Variants in JHY observed in about 807,000 individuals in gnomAD.
JHY encodes jhy protein homolog.
Under a neutral mutation model 78.0 loss-of-function variants are expected in JHY, and 69 were observed. That is an observed-to-expected ratio of 0.88 (90% CI 0.73 to 1.08). JHY has a LOEUF of 1.08. JHY is among the 50% of genes least tolerant of loss of function. The pLI is 0.00. For missense variants in JHY, 944 were observed against 927.8 expected (o/e 1.02, Z -0.23); for synonymous variants, 368 against 342.6 (o/e 1.07, Z -0.82).
chr11:122,950,925 A>G (rs1446655998), intron 6 of JHY, among the ~76,000 whole-genome samples: 1 of 152,208 alleles, frequency 6.6e-6, no homozygotes, highest in Non-Finnish European at 1.5e-5. Context: ...TACAATCTGT[A>G]TATCCATTTT....
chr11:122,908,338 A>G (rs1484301664), intron 3 of JHY, among the ~76,000 whole-genome samples: 1 of 152,220 alleles, frequency 6.6e-6, no homozygotes, highest in Non-Finnish European at 1.5e-5. Context: ...TGCTGCTGCC[A>G]TCAGGCCTAC....
At chr11:122,955,603 G>A (rs10502264) in intron 6 of JHY, among the ~76,000 whole-genome samples, 5,264 of 152,160 alleles carry the variant, frequency 0.035, 204 homozygotes, top group African/African-American at 0.091. Flanking sequence ...ATACTAATAA[G>A]AGTTGTCATA....
At chr11:122,890,503 A>T (rs1054382757) in intron 2 of JHY, among the ~76,000 whole-genome samples, 27 of 152,152 alleles carry the variant, frequency 1.8e-4, no homozygotes, top group Non-Finnish European at 2.9e-5. Context: ...TGGAAAGGAA[A>T]CATCTGTTGC....
chr11:122,902,223 G>A lies in JHY; in HGVS notation c.345-1702G>A, dbSNP rs1708076559. On this transcript the variant is annotated intron_variant, in intron 2 of 8. Coordinates refer to ENST00000227349, the MANE Select transcript of JHY (RefSeq NM_024806.4). ...TGTAATCCCGAAACTTTGGGAGGCT[G>A]AAGCGAGTGGATCACAGGAGGCCAG... 3.3e-5 allele frequency among the ~76,000 whole-genome samples: 5 copies of A among 152,006 alleles called. 1 individual carries two copies. In the South Asian group the frequency reaches 1.0e-3, roughly 32 times the overall value.
chr11:122,955,716 T>C (rs1397643699), intron 6 of JHY, among the ~76,000 whole-genome samples: 1 of 152,234 alleles, frequency 6.6e-6, no homozygotes, highest in African/African-American at 2.4e-5. Flanking sequence ...ACTTTTCTCT[T>C]GAATATTATA....
intron 2 of JHY, among the ~76,000 whole-genome samples, chr11:122,893,448 C>T (rs563318778): frequency 2.7e-4 from 41 of 152,104 alleles, no homozygotes; most frequent in Admixed American, 1.1e-3. Context: ...TTGTTGCCCC[C>T]GGAGACAACC....
At chr11:122,952,788 T>C (rs1029804960) in intron 6 of JHY, among the ~76,000 whole-genome samples, 2 of 152,224 alleles carry the variant, frequency 1.3e-5, no homozygotes, top group African/African-American at 4.8e-5. Flanking sequence ...TTTGGACAAA[T>C]TGGATTTATG....
rs76514548 is a variant in JHY at position 122,935,197 on chromosome 11, C to T, written c.1634+122C>T. ...GTGGCTAGGTGAGAAGAAGAGTTCACCTAACAACTTCCTTAGCTCTGATTC... is the reference window on the plus strand; with the variant it reads ...GTGGCTAGGTGAGAAGAAGAGTTCATCTAACAACTTCCTTAGCTCTGATTC... On this transcript the variant is annotated intron_variant, in intron 5 of 8. Transcript: ENST00000227349. This position sits in a 1 kb window ranked among gnomAD's most constrained non-coding sequence, Gnocchi z 4.5. 2.3e-6 allele frequency: 2 copies of T among 858,956 alleles called. No homozygotes were observed. The highest frequency in any genetic ancestry group is 2.3e-5 in the South Asian group (1 of 44,298). 53.2% of individuals were successfully genotyped at this position (858,956 alleles called of 1,614,324 possible).
Position 122,892,470 on chromosome 11 carries a change from G to A in JHY, c.344+6277G>A, listed in dbSNP as rs377113120. Among the ~76,000 whole-genome samples, 238 of 151,982 alleles carry A rather than the reference G, an allele frequency of 1.6e-3. 2 individuals are homozygous for A. The highest frequency in any genetic ancestry group is 5.4e-3 in the African/African-American group (222 of 41,456). On this transcript the variant is annotated intron_variant, in intron 2 of 8. Coordinates refer to ENST00000227349, the MANE Select transcript of JHY (RefSeq NM_024806.4). ...CCTGAGTAACTGGGACTACAGGCGC[G>A]TGCCACCATGCCTGGCTAATTTTTT...
chr11:122,937,564 C>A (rs1863784729), intron 5 of JHY, among the ~76,000 whole-genome samples: 2 of 152,124 alleles, frequency 1.3e-5, no homozygotes, highest in Admixed American at 1.3e-4. Context: ...CCCCTTCCGG[C>A]ATTTCTTTCA....
intron 4 of JHY, among the ~76,000 whole-genome samples, chr11:122,928,052 A>G (rs542693761): frequency 1.3e-3 from 193 of 152,246 alleles, no homozygotes; most frequent in South Asian, 3.7e-3. Context: ...CCACTACACT[A>G]CAAGATCTTT....
chr11:122,936,686 C>T (rs1863763639), intron 5 of JHY, among the ~76,000 whole-genome samples: 1 of 152,026 alleles, frequency 6.6e-6, no homozygotes, highest in South Asian at 2.1e-4. Context: ...TTTCTGATAA[C>T]CCTTTTATTC....
chr11:122,909,505 TA>T (rs371854907), intron 3 of JHY, among the ~76,000 whole-genome samples: 259 of 152,254 alleles, frequency 1.7e-3, no homozygotes, highest in African/African-American at 6.0e-3. Context: ...GAAGATTAAA[TA>T]AATGAGTTAG....
In JHY at chr11:122,935,905, T is replaced by G. The variant is rs1328345775; in HGVS notation, c.1634+830T>G. Among the ~76,000 whole-genome samples the G allele has an allele frequency of 1.3e-5, 2 of 152,130 alleles. No individual in the cohort carries two copies. The highest frequency in any genetic ancestry group is 4.8e-5 in the African/African-American group (2 of 41,418). On this transcript the variant is annotated intron_variant, in intron 5 of 8. Transcript: ENST00000227349. This position sits in a 1 kb window ranked among gnomAD's most constrained non-coding sequence, Gnocchi z 4.5. Reference sequence around the variant, plus strand: ...GGAAGAAAATAGTAAGGTACAAAATTACACCTTGGGTTGAATGACACTGGT... The same window carrying G: ...GGAAGAAAATAGTAAGGTACAAAATGACACCTTGGGTTGAATGACACTGGT...
chr11:122,933,401 C>T (rs1476257118), intron 4 of JHY, among the ~76,000 whole-genome samples: 2 of 152,210 alleles, frequency 1.3e-5, no homozygotes, highest in African/African-American at 4.8e-5. Context: ...TTGCAAAGGC[C>T]TCTTAACTCA....
At chr11:122,922,624 C>A (rs1213473573) in intron 3 of JHY, among the ~76,000 whole-genome samples, 1 of 151,808 alleles carries the variant, frequency 6.6e-6, no homozygotes, top group African/African-American at 2.4e-5. Context: ...TCCTGGCTAA[C>A]ACGGTGAAAC....
chr11:122,935,542 T>A lies in JHY; in HGVS notation c.1634+467T>A, dbSNP rs777639680. The stretch of plus-strand genomic sequence containing the variant: ...GAGCCACCGCACCCGGCCAAGAGTC[T>A]ACTTTTGATGGATTTCTTTTCCTCT... On this transcript the variant is annotated intron_variant, in intron 5 of 8. Transcript: ENST00000227349. The surrounding 1 kb of genome is among the most constrained non-coding windows in gnomAD (Gnocchi z 4.5). Among the ~76,000 whole-genome samples the A allele has an allele frequency of 6.6e-6, 1 of 152,162 alleles. No homozygotes were observed. Among genetic ancestry groups the A allele is most frequent in the Non-Finnish European group, 1.5e-5 (1 of 68,030 alleles).
chr11:122,898,371 A>G lies in JHY; in HGVS notation c.345-5554A>G, dbSNP rs1172633955. On this transcript the variant is annotated intron_variant, in intron 2 of 8. Coordinates refer to ENST00000227349, the MANE Select transcript of JHY (RefSeq NM_024806.4). This position sits in a 1 kb window ranked among gnomAD's most constrained non-coding sequence, Gnocchi z 4.4. Reference sequence around the variant, plus strand: ...AACATGATGTGCAGGAGCCCGATCCAGAGCAGACTGCCAGGCTCTGTGACC... The same window carrying G: ...AACATGATGTGCAGGAGCCCGATCCGGAGCAGACTGCCAGGCTCTGTGACC... Among the ~76,000 whole-genome samples the G allele has an allele frequency of 6.6e-6, 1 of 152,244 alleles. No homozygotes were observed. The highest frequency in any genetic ancestry group is 2.4e-5 in the African/African-American group (1 of 41,460).
chr11:122,927,441 G>A (rs1863531410), intron 4 of JHY, among the ~76,000 whole-genome samples: 1 of 152,192 alleles, frequency 6.6e-6, no homozygotes, highest in Non-Finnish European at 1.5e-5. Flanking sequence ...TCTTTAGGTG[G>A]AAAGGATTTG....
Sources: allele counts gnomAD v4.1 joint callset (sites outside exome capture counted in the v4.1 genomes callset), GRCh38; gene constraint gnomAD v4.1.1; non-coding constraint Gnocchi (gnomAD v3.1); transcripts MANE v1.5; gene names NCBI Gene and HGNC (gene_info 2026-07-23, HGNC 2026-07-21).